EIF4G3: variants seen among roughly 807,000 people sequenced by gnomAD.
EIF4G3 encodes eIF-4-gamma 3.
EIF4G3 carries 34 observed loss-of-function variants against 186.4 expected under a neutral mutation model. The ratio of observed to expected loss-of-function variants is 0.18; its 90% CI spans 0.14 to 0.24. The LOEUF (loss-of-function observed/expected upper bound fraction) is 0.24. EIF4G3 is among the 10% of genes least tolerant of loss of function. The pLI, the probability that EIF4G3 is intolerant of heterozygous loss-of-function variation, is 1.00. For missense variants in EIF4G3, 1,536 were observed against 1,948.5 expected, an observed-to-expected ratio of 0.79 and a Z score of 3.99; for synonymous variants, 673 against 679.5, an observed-to-expected ratio of 0.99 and a Z score of 0.15.
intron 12 of EIF4G3, among the ~76,000 whole-genome samples, chr1:20,962,193 C>T (rs2096583824): frequency 6.6e-6 from 1 of 152,158 alleles, no homozygotes; most frequent in Non-Finnish European, 1.5e-5. Context: ...GAACTGACCC[C>T]ACACAGTTGA....
chr1:20,931,528 C>T (rs749370776), intron 14 of EIF4G3, among the ~76,000 whole-genome samples: 2 of 152,148 alleles, frequency 1.3e-5, no homozygotes, highest in Non-Finnish European at 2.9e-5. Context: ...TGAGCACTGG[C>T]TTCAAACAGA....
intron 3 of EIF4G3, among the ~76,000 whole-genome samples, chr1:21,053,195 C>T (rs1216820947): frequency 6.6e-6 from 1 of 151,994 alleles, no homozygotes; most frequent in Non-Finnish European, 1.5e-5. Flanking sequence ...GCCCTGCCAC[C>T]CCGTCTGGGA....
chr1:21,026,004 T>C (rs1204588391), intron 4 of EIF4G3, among the ~76,000 whole-genome samples: 2 of 152,186 alleles, frequency 1.3e-5, no homozygotes, highest in Non-Finnish European at 2.9e-5. Flanking sequence ...CAATGCAATC[T>C]CTATCAAAAT....
intron 14 of EIF4G3, among the ~76,000 whole-genome samples, chr1:20,929,949 A>T (rs2095214973): frequency 6.6e-6 from 1 of 152,206 alleles, no homozygotes; most frequent in South Asian, 2.1e-4. Flanking sequence ...TTGTTTCCAG[A>T]TCATGGCAAT....
At chr1:21,128,235 G>A (rs1399796473) in intron 2 of EIF4G3, among the ~76,000 whole-genome samples, 2 of 149,998 alleles carry the variant, frequency 1.3e-5, no homozygotes, top group East Asian at 2.0e-4. Flanking sequence ...TCGGCTGGGT[G>A]TGGTGGCTCA....
chr1:20,969,811 C>G (rs1323841323), intron 11 of EIF4G3, among the ~76,000 whole-genome samples: 1 of 152,074 alleles, frequency 6.6e-6, no homozygotes, highest in East Asian at 1.9e-4. Context: ...TAAAATGAAA[C>G]CTAGTTGGCT....
chr1:20,951,015 G>T (rs1485492857), intron 12 of EIF4G3, among the ~76,000 whole-genome samples: 1 of 151,964 alleles, frequency 6.6e-6, no homozygotes, highest in Non-Finnish European at 1.5e-5. Context: ...ATCCTACAAC[G>T]AATTCTATCA....
rs368829163 is a variant in EIF4G3, at chr1:21,013,283, T to C, written c.-66-10475A>G. ...AGAAAAAGCCACACTCAAAACAATATAGGAAATTTTTTAAAATATTAAAAT... is the reference window on the plus strand; with the variant it reads ...AGAAAAAGCCACACTCAAAACAATACAGGAAATTTTTTAAAATATTAAAAT... On this transcript the variant is annotated intron_variant, in intron 4 of 36. Transcript: ENST00000602326. Among the ~76,000 whole-genome samples the C allele has an allele frequency of 5.8e-3, 883 of 151,996 alleles. 8 individuals are homozygous for C. The highest frequency in any genetic ancestry group is 0.029 in the South Asian group (137 of 4,796).
Position 20,893,599 on chromosome 1 carries a change from G to A in EIF4G3, c.2171C>T (p.Pro724Leu). 1 of 1,587,556 alleles carries A rather than the reference G, an allele frequency of 6.3e-7. No homozygotes were observed. Among genetic ancestry groups the A allele is most frequent in the Non-Finnish European group, 8.6e-7 (1 of 1,160,276 alleles). Residue 724 changes from proline (P) to leucine (L), a missense_variant, in exon 18 of 37, where the codon CCT (proline) becomes CTT (leucine). This residue lies in a region of EIF4G3 where 139 missense variants were observed against 192.8 expected (regional missense o/e 0.72). Coordinates refer to ENST00000602326, the MANE Select transcript of EIF4G3 (RefSeq NM_001391906.1). ...GTCTGGTCCTCGAGGCAAAATTCGA[G>A]GATCCAGAGTTCGCATTGGCAATTT... ...QPKLPMRTLD[P>L]RILPRGPDFT...
chr1:21,123,675 G>GT, intron 2 of EIF4G3, among the ~76,000 whole-genome samples: 1 of 152,162 alleles, frequency 6.6e-6, no homozygotes, highest in African/African-American at 2.4e-5. Context: ...GGAAGTGAGT[G>GT]GCAGGAAAAG....
At chr1:21,107,873 C>T (rs1261312762) in intron 2 of EIF4G3, among the ~76,000 whole-genome samples, 2 of 152,128 alleles carry the variant, frequency 1.3e-5, no homozygotes, top group Non-Finnish European at 2.9e-5. Context: ...CTTTTTTGGC[C>T]AGGTTGGCTT....
intron 29 of EIF4G3, among the ~76,000 whole-genome samples, chr1:20,843,306 C>T (rs1571478952): frequency 3.3e-5 from 5 of 151,988 alleles, no homozygotes; most frequent in Admixed American, 3.3e-4. Context: ...ATTTGAGGTT[C>T]AGCAGTATGA....
chr1:21,159,675 G>A (rs529034753), intron 2 of EIF4G3, among the ~76,000 whole-genome samples: 32 of 152,244 alleles, frequency 2.1e-4, no homozygotes, highest in African/African-American at 7.0e-4. Flanking sequence ...ATGAGGTGGA[G>A]GCTGCAGTGA....
chr1:21,026,578 G>A (rs1012720921), intron 4 of EIF4G3, among the ~76,000 whole-genome samples: 15 of 150,904 alleles, frequency 9.9e-5, no homozygotes, highest in African/African-American at 2.7e-4. Context: ...TTTGTGCATC[G>A]AAAGATATTA....
At chr1:21,077,846 C>T (rs892000027) in intron 3 of EIF4G3, among the ~76,000 whole-genome samples, 8 of 149,950 alleles carry the variant, frequency 5.3e-5, no homozygotes, top group Admixed American at 1.3e-4. Context: ...CATCATTGCA[C>T]TCCAGCCAGG....
At position 20,857,431 on chromosome 1, in the gene EIF4G3, T is replaced by G. The variant is rs2075288913; in HGVS notation, c.3311A>C (p.Asp1104Ala). The G allele has an allele frequency of 6.2e-7, 1 of 1,613,834 alleles. No individual in the cohort carries two copies. The highest frequency in any genetic ancestry group is 8.5e-7 in the Non-Finnish European group (1 of 1,180,006). Reference protein sequence around the residue: ...VQGAKNSRVLDPSKFLKITKP... With the variant: ...VQGAKNSRVLAPSKFLKITKP... ...AGTGATTTTTAGGAATTTTGAGGGG[T>G]CCAGTACCCGACTGTTCTTGGCCCC... Residue 1104 changes from aspartate (D) to alanine (A), a missense_variant, in exon 25 of 37, where the codon GAC (aspartate) becomes GCC (alanine). Physicochemically the swap from Asp to Ala is moderately radical, Grantham distance 126. Coordinates refer to ENST00000602326, the MANE Select transcript of EIF4G3 (RefSeq NM_001391906.1).
At chr1:20,886,421 T>C in intron 18 of EIF4G3, 50 bp from the exon 19 acceptor site, 1 of 1,582,144 alleles carries the variant, frequency 6.3e-7, no homozygotes, top group Non-Finnish European at 8.6e-7. Context: ...TTTATTGGCT[T>C]TGTTGTGCTG....
chr1:21,125,798 ACACACACT>A (rs1159320542), intron 2 of EIF4G3, among the ~76,000 whole-genome samples: 7 of 114,310 alleles, frequency 6.1e-5, no homozygotes, highest in African/African-American at 1.8e-4. Flanking sequence ...ACACACACAC[ACACACACT>A]CTTATTAGGC....
intron 12 of EIF4G3, among the ~76,000 whole-genome samples, chr1:20,951,413 A>G (rs1048245801): frequency 2.6e-5 from 4 of 152,192 alleles, no homozygotes; most frequent in African/African-American, 9.7e-5. Flanking sequence ...TACTAAAATT[A>G]TATTTCTATA....
Sources: allele counts gnomAD v4.1 joint callset (sites outside exome capture counted in the v4.1 genomes callset), GRCh38; gene constraint gnomAD v4.1.1; regional missense constraint gnomAD v4.1.1; transcripts MANE v1.5; gene names NCBI Gene and HGNC (gene_info 2026-07-23, HGNC 2026-07-21).